The following CRACR2A variants were observed in gnomAD, a reference collection of about 807,000 sequenced individuals.
CRACR2A encodes the protein calcium release activated channel regulator 2A.
In CRACR2A, 79 loss-of-function variants were observed where a neutral mutation model predicts 90.5. The ratio of observed to expected loss-of-function variants is 0.87; its 90% CI spans 0.73 to 1.05. CRACR2A has a LOEUF of 1.05. CRACR2A is among the 50% of genes least tolerant of loss of function. The probability of loss-of-function intolerance (pLI) is 0.00; values close to 1 mark genes in which losing one functional copy is unlikely to be tolerated. For missense variants in CRACR2A, 823 were observed against 897.2 expected, an observed-to-expected ratio of 0.92 and a Z score of 1.06; for synonymous variants, 338 against 356.7, an observed-to-expected ratio of 0.95 and a Z score of 0.59.
chr12:3,699,709 T>C (rs965712061), intron 3 of CRACR2A, among the ~76,000 whole-genome samples: 1 of 152,200 alleles, frequency 6.6e-6, no homozygotes, highest in African/African-American at 2.4e-5. Context: ...CTAGTAGTTC[T>C]AGAGAAGTCA....
chr12:3,677,500 A>G (rs1444157757), intron 6 of CRACR2A, among the ~76,000 whole-genome samples: 1 of 152,184 alleles, frequency 6.6e-6, no homozygotes, highest in African/African-American at 2.4e-5. Context: ...CCTTGCCAGT[A>G]AGGCTGCTAC....
rs1029620108 is a variant in CRACR2A, at chr12:3,697,137, T to C, written c.-36-102A>G. On this transcript the variant is annotated intron_variant, in intron 3 of 19. Coordinates refer to ENST00000440314, the MANE Select transcript of CRACR2A (RefSeq NM_001144958.2). ...AAGGAAGCACAGAGCCATACACCAG[T>C]GTGTCCAGGAATCTCTTAGCAACTA... The C allele has an allele frequency of 5.1e-6, 7 of 1,374,068 alleles. No individual in the cohort carries two copies. In the African/African-American group the frequency reaches 8.8e-5, roughly 17 times the overall value. The allele number at this position is 1,374,068 out of a possible 1,614,324, so 85.1% of individuals were successfully genotyped here.
chr12:3,710,370 A>G (rs1324159073), intron 3 of CRACR2A, among the ~76,000 whole-genome samples: 5 of 152,192 alleles, frequency 3.3e-5, no homozygotes, highest in Non-Finnish European at 1.5e-5. Flanking sequence ...CCTATAAACA[A>G]TAGACATTTA....
At chr12:3,706,126 A>AC (rs1431726731) in intron 3 of CRACR2A, among the ~76,000 whole-genome samples, 3 of 152,208 alleles carry the variant, frequency 2.0e-5, no homozygotes, top group Admixed American at 6.5e-5. Context: ...ATGTCTTAGT[A>AC]CTTGGGGGGA....
intron 2 of CRACR2A, chr12:3,730,862 G>A (rs551979042): frequency 6.6e-6 from 1 of 152,314 alleles, no homozygotes; most frequent in South Asian, 2.1e-4. Flanking sequence ...GGCCAATGGA[G>A]GCAGGGATAA....
intron 2 of CRACR2A, among the ~76,000 whole-genome samples, chr12:3,722,114 G>C (rs1364714402): frequency 6.6e-6 from 1 of 152,142 alleles, no homozygotes; most frequent in African/African-American, 2.4e-5. Flanking sequence ...CTGAAGTCAG[G>C]GATCATGGCT....
At chr12:3,649,353 G>A (rs1944754655) in intron 10 of CRACR2A, among the ~76,000 whole-genome samples, 1 of 152,158 alleles carries the variant, frequency 6.6e-6, no homozygotes, top group Non-Finnish European at 1.5e-5. Flanking sequence ...GCCAGATCTT[G>A]AAGGGTGAGA....
In CRACR2A at chr12:3,695,032, C is replaced by T. The variant is rs556364785; in HGVS notation, c.228+1740G>A. Among the ~76,000 whole-genome samples the T allele has an allele frequency of 4.6e-4, 70 of 152,274 alleles. No homozygotes were observed. In the South Asian group the frequency reaches 0.015, roughly 32 times the overall value. ...CAAGCGATTTCTTTAAAACTTTATA[C>T]CTAGTTTCAATTCTCCATGCCTCCT... On this transcript the variant is annotated intron_variant, in intron 4 of 19. Coordinates refer to ENST00000440314, the MANE Select transcript of CRACR2A (RefSeq NM_001144958.2).
chr12:3,732,938 T>G lies in CRACR2A; in HGVS notation c.-118+4A>C, dbSNP rs1946384334. 1 of 152,248 alleles carries G rather than the reference T, an allele frequency of 6.6e-6. No individual in the cohort carries two copies. Among genetic ancestry groups the G allele is most frequent in the African/African-American group, 2.4e-5 (1 of 41,448 alleles). 9.4% of individuals were successfully genotyped at this position (152,248 alleles called of 1,614,324 possible). A position where few individuals can be genotyped will look rare whatever the true frequency, so the allele number is the denominator to read the frequency against. Reference sequence around the variant, plus strand: ...CCCCTGAATCCAGGAACTCCGATTCTTACCATCAGCAAGACTCCTGTGCAG... The same window carrying G: ...CCCCTGAATCCAGGAACTCCGATTCGTACCATCAGCAAGACTCCTGTGCAG... On this transcript the variant is annotated splice_donor_region_variant and intron_variant, in intron 2 of 19. Coordinates refer to ENST00000440314, the MANE Select transcript of CRACR2A (RefSeq NM_001144958.2).
chr12:3,689,670 C>T (rs1241104377), intron 4 of CRACR2A, among the ~76,000 whole-genome samples: 1 of 152,036 alleles, frequency 6.6e-6, no homozygotes, highest in Admixed American at 6.5e-5. Context: ...TGTTGTGTCT[C>T]TGCCAGGTTT....
chr12:3,663,193 A>C (rs1945070866), intron 7 of CRACR2A, among the ~76,000 whole-genome samples: 1 of 152,124 alleles, frequency 6.6e-6, no homozygotes, highest in South Asian at 2.1e-4. Flanking sequence ...AAAAACCTGT[A>C]AAAACTCAAT....
chr12:3,700,925 G>A (rs937930409), intron 3 of CRACR2A, among the ~76,000 whole-genome samples: 2 of 152,150 alleles, frequency 1.3e-5, no homozygotes, highest in Admixed American at 6.5e-5. Flanking sequence ...AATACACATG[G>A]AATACTGACC....
At chr12:3,668,633 T>C (rs572119263) in intron 7 of CRACR2A, among the ~76,000 whole-genome samples, 92 of 152,336 alleles carry the variant, frequency 6.0e-4, no homozygotes, top group Non-Finnish European at 9.6e-4. Context: ...TGAAAAGCTT[T>C]GGGGACAGTT....
At chr12:3,718,687 ATC>A (rs1307452342) in intron 2 of CRACR2A, among the ~76,000 whole-genome samples, 1 of 152,258 alleles carries the variant, frequency 6.6e-6, no homozygotes, top group Non-Finnish European at 1.5e-5. Flanking sequence ...AATGAATTTC[ATC>A]TGTTTCTTTT....
chr12:3,624,723 C>T (rs1944223058), intron 17 of CRACR2A, among the ~76,000 whole-genome samples: 1 of 152,224 alleles, frequency 6.6e-6, no homozygotes, highest in African/African-American at 2.4e-5. Flanking sequence ...AGCTCTTCTA[C>T]TCACAGGGTC....
chr12:3,673,927 T>C (rs1406882964), intron 6 of CRACR2A, among the ~76,000 whole-genome samples: 1 of 152,140 alleles, frequency 6.6e-6, no homozygotes, highest in East Asian at 1.9e-4. Flanking sequence ...GACTCCGGTG[T>C]TGGCCTCCTT....
chr12:3,633,623 T>C lies in CRACR2A; in HGVS notation c.1716A>G (p.Pro572=). Residue 572 remains proline (P), a synonymous_variant, in exon 15 of 20, where the codon CCA becomes CCG. Coordinates refer to ENST00000440314, the MANE Select transcript of CRACR2A (RefSeq NM_001144958.2). The surrounding 1 kb of genome is among the most constrained non-coding windows in gnomAD (Gnocchi z 4.5). The part of the protein sequence containing the change: ...LRRFCEDRFS[P]GMAATVGIDY... ...ACTCACCCACAGTGGCCGCCATGCC[T>C]GGGGAGAACCGGTCCTCACAGAATC... 6.4e-7 allele frequency: 1 copy of C among 1,551,654 alleles called. No individual in the cohort carries two copies. The highest frequency in any genetic ancestry group is 2.4e-5 in the East Asian group (1 of 40,890).
chr12:3,682,875 C>T (rs952382343), intron 4 of CRACR2A, among the ~76,000 whole-genome samples: 3 of 151,954 alleles, frequency 2.0e-5, no homozygotes, highest in Non-Finnish European at 4.4e-5. Context: ...CTCCGCCTCC[C>T]GGGTTCAAGT....
chr12:3,647,364 C>G (rs1202043804), intron 11 of CRACR2A, among the ~76,000 whole-genome samples: 1 of 152,164 alleles, frequency 6.6e-6, no homozygotes, highest in African/African-American at 2.4e-5. Flanking sequence ...TTTTGTGATT[C>G]TGCACAAATG....
Sources: allele counts gnomAD v4.1 joint callset (sites outside exome capture counted in the v4.1 genomes callset), GRCh38; gene constraint gnomAD v4.1.1; non-coding constraint Gnocchi (gnomAD v3.1); transcripts MANE v1.5; gene names NCBI Gene and HGNC (gene_info 2026-07-23, HGNC 2026-07-21).